Variants in KHDRBS2 observed in about 807,000 individuals in gnomAD.
KHDRBS2 encodes the protein KH RNA binding domain containing, signal transduction associated 2, also known as KH domain-containing, RNA-binding, signal transduction-associated protein 2.
A neutral mutation model predicts 44.3 loss-of-function variants in KHDRBS2; 26 were observed. That is an observed-to-expected ratio of 0.59 (90% confidence interval 0.43 to 0.81). The LOEUF is 0.81. Among genes scored for constraint, KHDRBS2 ranks in the 40% least tolerant of loss-of-function variants. The pLI is 0.00. For missense variants in KHDRBS2, 476 were observed against 433.1 expected (o/e 1.10, Z -0.88); for synonymous variants, 194 against 151.1 (o/e 1.28, Z -2.08).
At chr6:62,156,246 T>C (rs957268912) in intron 2 of KHDRBS2, among the ~76,000 whole-genome samples, 2 of 152,112 alleles carry the variant, frequency 1.3e-5, no homozygotes, top group African/African-American at 4.8e-5. Flanking sequence ...ATGTGAAAAA[T>C]GTTTCCCAAG....
the KHDRBS2 span, among the ~76,000 whole-genome samples, chr6:61,563,640 G>A: frequency 1.3e-5 from 2 of 151,974 alleles, no homozygotes. Flanking sequence ...GGAATCAAGG[G>A]CAATTTTAGT....
intron 6 of KHDRBS2, among the ~76,000 whole-genome samples, chr6:61,848,697 C>T (rs772196966): frequency 6.8e-6 from 1 of 146,766 alleles, no homozygotes; most frequent in Non-Finnish European, 1.5e-5. Flanking sequence ...GTCACTGAAA[C>T]CTTAAATCAC....
intron 1 of KHDRBS2, among the ~76,000 whole-genome samples, chr6:62,283,389 C>G (rs937838364): frequency 6.6e-6 from 1 of 152,104 alleles, no homozygotes; most frequent in African/African-American, 2.4e-5. Context: ...GCCTGTATCA[C>G]CAATCAAAAT....
At chr6:61,816,656 A>C in intron 6 of KHDRBS2, 1 of 446,552 alleles carries the variant, frequency 2.2e-6, no homozygotes, top group Middle Eastern at 3.3e-4. Context: ...AACAAATACA[A>C]GCGTTATCTG....
At chr6:62,129,151 T>C (rs1340713445) in intron 2 of KHDRBS2, among the ~76,000 whole-genome samples, 2 of 152,150 alleles carry the variant, frequency 1.3e-5, no homozygotes, top group African/African-American at 4.8e-5. Flanking sequence ...ACTACTTTTC[T>C]ATATTTTATG....
chr6:61,876,475 T>C (rs931392959), intron 6 of KHDRBS2, among the ~76,000 whole-genome samples: 4 of 150,206 alleles, frequency 2.7e-5, no homozygotes, highest in African/African-American at 9.7e-5. Context: ...CTTTATAGAA[T>C]ATTGGTATTA....
chr6:62,059,214 T>TTTG (rs1791080531), intron 2 of KHDRBS2, among the ~76,000 whole-genome samples: 1 of 120,204 alleles, frequency 8.3e-6, no homozygotes, highest in Non-Finnish European at 1.7e-5. Context: ...TTTTTTTTTT[T>TTTG]TTTTTTTTTT....
intron 6 of KHDRBS2, among the ~76,000 whole-genome samples, chr6:61,772,794 C>A (rs1017326632): frequency 1.3e-5 from 2 of 152,002 alleles, no homozygotes; most frequent in Admixed American, 1.3e-4. Flanking sequence ...TACCCCCTAC[C>A]CCAACTCCAC....
At chr6:61,830,752 G>A (rs1791656147) in intron 6 of KHDRBS2, among the ~76,000 whole-genome samples, 1 of 152,108 alleles carries the variant, frequency 6.6e-6, no homozygotes. Flanking sequence ...GAGCCAAATG[G>A]TAAAGTGGAA....
chr6:61,627,044 G>A, the KHDRBS2 span, among the ~76,000 whole-genome samples: 89,350 of 151,226 alleles, frequency 0.59, 26,583 homozygotes, highest in African/African-American at 0.61. Flanking sequence ...ACGAGGTCAG[G>A]AGATCGAGAC....
At chr6:61,863,561 T>C (rs565916954) in intron 6 of KHDRBS2, among the ~76,000 whole-genome samples, 16 of 152,216 alleles carry the variant, frequency 1.1e-4, no homozygotes, top group Non-Finnish European at 2.2e-4. Flanking sequence ...AAAGTCATTC[T>C]AGAGCAGGTT....
chr6:61,903,139 T>C (rs572488213), intron 4 of KHDRBS2, among the ~76,000 whole-genome samples: 9 of 152,332 alleles, frequency 5.9e-5, no homozygotes, highest in Admixed American at 3.3e-4. Context: ...AGAATAAACA[T>C]GTCTATTATT....
intron 6 of KHDRBS2, among the ~76,000 whole-genome samples, chr6:61,841,099 A>G (rs1325918537): frequency 6.6e-6 from 1 of 152,202 alleles, no homozygotes; most frequent in Non-Finnish European, 1.5e-5. Flanking sequence ...ATAAAAAGAA[A>G]AGAAAGCTTT....
At chr6:61,988,725 A>G (rs1470753814) in intron 3 of KHDRBS2, among the ~76,000 whole-genome samples, 1 of 152,196 alleles carries the variant, frequency 6.6e-6, no homozygotes, top group African/African-American at 2.4e-5. Context: ...CAGAAAAACC[A>G]AAGAGCAAAG....
chr6:62,232,356 G>T (rs1036793870), intron 1 of KHDRBS2, among the ~76,000 whole-genome samples: 6 of 152,018 alleles, frequency 3.9e-5, no homozygotes, highest in Non-Finnish European at 8.8e-5. Flanking sequence ...AAGTCTAATT[G>T]TCCTCTCCTT....
At chr6:61,776,664 A>G (rs1782075768) in intron 6 of KHDRBS2, among the ~76,000 whole-genome samples, 1 of 152,214 alleles carries the variant, frequency 6.6e-6, no homozygotes, top group African/African-American at 2.4e-5. Flanking sequence ...ATGTGAAGAA[A>G]TAGGAACACT....
intron 3 of KHDRBS2, among the ~76,000 whole-genome samples, chr6:62,036,947 A>G (rs1785400662): frequency 6.6e-6 from 1 of 152,014 alleles, no homozygotes; most frequent in South Asian, 2.1e-4. Flanking sequence ...GATGAAGGAA[A>G]CTAACACAAC....
intron 3 of KHDRBS2, among the ~76,000 whole-genome samples, chr6:62,046,256 A>G (rs910374678): frequency 2.0e-5 from 3 of 151,988 alleles, no homozygotes; most frequent in African/African-American, 7.2e-5. Flanking sequence ...AAACAAATTT[A>G]GTTTAAAACT....
chr6:61,840,835 TTCTG>T (rs1357024361), intron 6 of KHDRBS2, among the ~76,000 whole-genome samples: 2 of 152,156 alleles, frequency 1.3e-5, no homozygotes, highest in Non-Finnish European at 2.9e-5. Flanking sequence ...AGCTCACCAA[TTCTG>T]TCTAAGCTCT....
Sources: gnomAD v4.1 joint callset for allele counts (sites outside exome capture counted in the v4.1 genomes callset) on GRCh38, gnomAD v4.1.1 for gene constraint, MANE v1.5 for transcripts, NCBI Gene and HGNC (gene_info 2026-07-23, HGNC 2026-07-21) for gene names.